POU2F3: variants seen among roughly 807,000 people sequenced by gnomAD.
POU2F3 encodes the protein POU domain, class 2, transcription factor 3.
In POU2F3, 23 loss-of-function variants were observed where a neutral mutation model predicts 59.2. The ratio of observed to expected loss-of-function variants is 0.39; its 90% CI spans 0.28 to 0.55. POU2F3 has a LOEUF of 0.55. Among genes scored for constraint, POU2F3 ranks in the 20% least tolerant of loss-of-function variants. The pLI is 0.66. For synonymous variants in POU2F3, 190 were observed against 214.6 expected (o/e 0.89, Z 1.00); for missense variants, 473 against 544.5 (o/e 0.87, Z 1.31).
chr11:120,248,457 T>A (rs892698119), intron 2 of POU2F3, among the ~76,000 whole-genome samples: 3 of 152,222 alleles, frequency 2.0e-5, no homozygotes, highest in Admixed American at 6.5e-5. Context: ...GCTTGGCACA[T>A]GGCAGCTGTG....
intron 3 of POU2F3, among the ~76,000 whole-genome samples, chr11:120,296,779 T>G (rs901845492): frequency 6.6e-6 from 1 of 152,248 alleles, no homozygotes; most frequent in Admixed American, 6.5e-5. Context: ...TACCGCATTT[T>G]CTTTATCCAG....
At chr11:120,260,267 C>T (rs1178421552) in intron 2 of POU2F3, among the ~76,000 whole-genome samples, 2 of 152,244 alleles carry the variant, frequency 1.3e-5, no homozygotes, top group Non-Finnish European at 2.9e-5. Context: ...GCAAATCAGC[C>T]TTCTAGCCTG....
At chr11:120,258,309 G>A (rs1423446303) in intron 2 of POU2F3, among the ~76,000 whole-genome samples, 1 of 152,276 alleles carries the variant, frequency 6.6e-6, no homozygotes, top group Middle Eastern at 3.4e-3. Context: ...CTCTGGCAAG[G>A]CTGGGGTAAG....
At position 120,263,476 on chromosome 11, in the gene POU2F3, A is replaced by G. The variant is rs186950416; in HGVS notation, c.98-5734A>G. Among the ~76,000 whole-genome samples the G allele has an allele frequency of 1.7e-3, 264 of 152,298 alleles. 2 individuals carry two copies. The highest frequency in any genetic ancestry group is 6.2e-3 in the African/African-American group (256 of 41,574). ...CTGATTCTGTGGTCTACTTTTATGT[A>G]TTGCTTTCTGCTCTCTGCTTCGAAT... On this transcript the variant is annotated intron_variant, in intron 2 of 12. Coordinates refer to ENST00000543440, the MANE Select transcript of POU2F3 (RefSeq NM_014352.4).
chr11:120,243,169 C>T (rs1178146436), intron 1 of POU2F3, among the ~76,000 whole-genome samples: 3 of 152,136 alleles, frequency 2.0e-5, no homozygotes, highest in Non-Finnish European at 2.9e-5. Context: ...TTGGCTAGCT[C>T]AGAAGTGGGG....
chr11:120,275,725 G>T (rs1407011412), intron 3 of POU2F3, among the ~76,000 whole-genome samples: 5 of 152,156 alleles, frequency 3.3e-5, no homozygotes, highest in African/African-American at 1.2e-4. Flanking sequence ...AGTGGCCTGG[G>T]GTTTCCTCTC....
chr11:120,308,976 A>AAAAAAAAAAAG (rs1941578361), intron 9 of POU2F3, among the ~76,000 whole-genome samples: 2 of 142,676 alleles, frequency 1.4e-5, no homozygotes, highest in African/African-American at 2.7e-5. Flanking sequence ...AAAAAAAAAA[A>AAAAAAAAAAAG]GAAATGACAA....
At chr11:120,236,716 G>C, upstream of POU2F3, 1 of 1,478,390 alleles carries the variant, frequency 6.8e-7, no homozygotes, top group Non-Finnish European at 9.1e-7. Context: ...GGGTAAAGGA[G>C]TTCTCTACGT....
chr11:120,278,266 A>G (rs1263699184), intron 3 of POU2F3, among the ~76,000 whole-genome samples: 1 of 152,220 alleles, frequency 6.6e-6, no homozygotes, highest in African/African-American at 2.4e-5. Context: ...TTTATTTGAT[A>G]CTGTCTTCTA....
At chr11:120,263,638 A>C (rs1939698849) in intron 2 of POU2F3, among the ~76,000 whole-genome samples, 1 of 152,236 alleles carries the variant, frequency 6.6e-6, no homozygotes, top group South Asian at 2.1e-4. Context: ...TTGGTAGTTA[A>C]GAAATCTGAG....
chr11:120,311,418 G>A (rs1941645189), intron 10 of POU2F3, among the ~76,000 whole-genome samples: 1 of 151,840 alleles, frequency 6.6e-6, no homozygotes, highest in Non-Finnish European at 1.5e-5. Context: ...TGACAGGGTG[G>A]GAGGGATTCA....
intron 2 of POU2F3, chr11:120,256,512 G>A (rs1397404753): frequency 6.6e-6 from 1 of 152,182 alleles, no homozygotes; most frequent in African/African-American, 2.4e-5. Flanking sequence ...ATTCACTCGT[G>A]GTCAGCACAC....
At chr11:120,249,857 GA>G (rs1412751305) in intron 2 of POU2F3, 4 of 152,134 alleles carry the variant, frequency 2.6e-5, no homozygotes, top group African/African-American at 9.7e-5. Flanking sequence ...CATTGATGAG[GA>G]AACCATAGCT....
chr11:120,267,013 C>T (rs897471023), intron 2 of POU2F3, among the ~76,000 whole-genome samples: 1 of 151,882 alleles, frequency 6.6e-6, no homozygotes, highest in African/African-American at 2.4e-5. Flanking sequence ...AATGTTACAA[C>T]ATCACAATGT....
chr11:120,275,710 G>A (rs1330738210), intron 3 of POU2F3, among the ~76,000 whole-genome samples: 2 of 152,194 alleles, frequency 1.3e-5, no homozygotes, highest in Non-Finnish European at 2.9e-5. Context: ...CAAAAGCTGA[G>A]AATCAGTGGC....
chr11:120,304,942 TA>T (rs11443197), intron 6 of POU2F3, 87 bp from the exon 7 acceptor site: 29,444 of 333,142 alleles, frequency 0.088, 155 homozygotes, highest in African/African-American at 0.11. Context: ...GGCCTATTAG[TA>T]AAAAAAAAAA....
At chr11:120,262,906 T>TA (rs1183711471) in intron 2 of POU2F3, among the ~76,000 whole-genome samples, 1 of 151,902 alleles carries the variant, frequency 6.6e-6, no homozygotes, top group African/African-American at 2.4e-5. Context: ...TCTATCGTGG[T>TA]AAAAAATGCA....
rs1940738488 is a variant in POU2F3 at position 120,285,255 on chromosome 11, G to T, written c.133-13010G>T. ...ATATACCAATTCTGCTGACACCCCT[G>T]TCAGATGGCCTGTGGTCCCAAGTCT... On this transcript the variant is annotated intron_variant, in intron 3 of 12. Coordinates refer to ENST00000543440, the MANE Select transcript of POU2F3 (RefSeq NM_014352.4). The surrounding 1 kb of genome is among the most constrained non-coding windows in gnomAD (Gnocchi z 4.3). Among the ~76,000 whole-genome samples the T allele has an allele frequency of 6.6e-6, 1 of 152,180 alleles. No homozygotes were observed. The highest frequency in any genetic ancestry group is 2.1e-4 in the South Asian group (1 of 4,828).
At chr11:120,240,457 G>T in intron 1 of POU2F3, 86 bp downstream of exon 1, 2 of 1,272,498 alleles carry the variant, frequency 1.6e-6, no homozygotes, top group Non-Finnish European at 2.0e-6. Flanking sequence ...GGTTAGGGAG[G>T]GGGGCTTGTT....
Sources: allele counts gnomAD v4.1 joint callset (sites outside exome capture counted in the v4.1 genomes callset), GRCh38; gene constraint gnomAD v4.1.1; non-coding constraint Gnocchi (gnomAD v3.1); transcripts MANE v1.5; gene names NCBI Gene and HGNC (gene_info 2026-07-23, HGNC 2026-07-21).